FOXO3: variants seen among roughly 807,000 people sequenced by gnomAD.
FOXO3 encodes forkhead box protein O3.
FOXO3 carries 4 observed loss-of-function variants against 41.9 expected under a neutral mutation model. The observed-to-expected ratio is 0.10, with a 90% CI of 0.05 to 0.22. The LOEUF (loss-of-function observed/expected upper bound fraction) is 0.22, where lower values mean the gene tolerates loss of function less well. FOXO3 is among the 10% of genes least tolerant of loss of function. The pLI is 1.00. For missense variants in FOXO3, 534 were observed against 906.8 expected (o/e 0.59, Z 5.28); for synonymous variants, 318 against 389.3 (o/e 0.82, Z 2.16).
At chr6:108,647,869 GGAGA>G (rs1229213460) in intron 1 of FOXO3, among the ~76,000 whole-genome samples, 1 of 152,092 alleles carries the variant, frequency 6.6e-6, no homozygotes, top group African/African-American at 2.4e-5. Context: ...TTGGAAACTT[GGAGA>G]GAGTCTATAA....
intron 2 of FOXO3, among the ~76,000 whole-genome samples, chr6:108,674,431 A>G (rs1379472931): frequency 6.6e-6 from 1 of 152,224 alleles, no homozygotes; most frequent in African/African-American, 2.4e-5. Context: ...GATACCAGAC[A>G]GTGCTCTTAA....
Position 108,683,011 on chromosome 6 carries a change from G to C in FOXO3, c.*3219G>C, listed in dbSNP as rs1229022485. 3 of 152,658 alleles carry C rather than the reference G, an allele frequency of 2.0e-5. No individual in the cohort carries two copies. Among genetic ancestry groups the C allele is most frequent in the Non-Finnish European group, 4.4e-5 (3 of 68,034 alleles). The allele number at this position is 152,658 out of a possible 1,614,324, so 9.5% of individuals were successfully genotyped here. A position where few individuals can be genotyped will look rare whatever the true frequency, so the allele number is the denominator to read the frequency against. On this transcript the variant is annotated 3_prime_UTR_variant, in exon 3 of 3. Transcript: ENST00000406360. The stretch of plus-strand genomic sequence containing the variant: ...TTTATCACAAGCCTTCACTGTCCTG[G>C]CATGAGAACTGGCTGCCAGGCTCAG...
At chr6:108,649,182 G>A (rs934299562) in intron 1 of FOXO3, among the ~76,000 whole-genome samples, 36 of 152,052 alleles carry the variant, frequency 2.4e-4, no homozygotes, top group Non-Finnish European at 4.6e-4. Context: ...ATCCCACAGG[G>A]GTGACATAGA....
chr6:108,655,370 A>C (rs1215305326), intron 1 of FOXO3, among the ~76,000 whole-genome samples: 1 of 152,202 alleles, frequency 6.6e-6, no homozygotes, highest in Non-Finnish European at 1.5e-5. Flanking sequence ...TTATCTTCTC[A>C]ATGATGGAAA....
At position 108,665,085 on chromosome 6, in the gene FOXO3, C is replaced by T. The variant is rs570186353; in HGVS notation, c.*34+196C>T. ...CCAAATAGGGCTGTCAGGTGCCCCC[C>T]TTCCCCCGCACAGTTTGCTGATAGT... On this transcript the variant is annotated intron_variant, in intron 2 of 2. Transcript: ENST00000406360. Among the ~76,000 whole-genome samples, 4 of 152,304 alleles carry T rather than the reference C, an allele frequency of 2.6e-5. No individual in the cohort carries two copies. In the East Asian group the frequency reaches 7.7e-4, roughly 29 times the overall value.
In FOXO3 at chr6:108,681,230, G is replaced by C. The variant is rs1460826035; in HGVS notation, c.*1438G>C. On this transcript the variant is annotated 3_prime_UTR_variant, in exon 3 of 3. Coordinates refer to ENST00000406360, the MANE Select transcript of FOXO3 (RefSeq NM_001455.4). ...AATTGGTATAACGATGCTCTGATTA[G>C]CACAGTATATGCATACTTCTCCAAA... The C allele has an allele frequency of 6.6e-6, 1 of 152,650 alleles. No individual in the cohort carries two copies. The highest frequency in any genetic ancestry group is 1.5e-5 in the Non-Finnish European group (1 of 68,046). The allele number at this position is 152,650 out of a possible 1,614,324, so 9.5% of individuals were successfully genotyped here.
intron 1 of FOXO3, among the ~76,000 whole-genome samples, chr6:108,589,364 G>A (rs1464079348): frequency 6.6e-6 from 1 of 152,150 alleles, no homozygotes; most frequent in African/African-American, 2.4e-5. Flanking sequence ...GGGCTACACA[G>A]ACACAAGCAC....
chr6:108,644,097 T>C (rs983553264), intron 1 of FOXO3, among the ~76,000 whole-genome samples: 1 of 152,184 alleles, frequency 6.6e-6, no homozygotes, highest in African/African-American at 2.4e-5. Flanking sequence ...TGCCTGGCTA[T>C]AGGCTCCAGA....
At chr6:108,564,126 A>G (rs1008036278) in intron 1 of FOXO3, among the ~76,000 whole-genome samples, 9 of 152,250 alleles carry the variant, frequency 5.9e-5, no homozygotes, top group Admixed American at 1.3e-4. Flanking sequence ...GTCACATGAC[A>G]ACTAATCCTT....
intron 1 of FOXO3, among the ~76,000 whole-genome samples, chr6:108,651,585 G>A (rs1223507974): frequency 6.6e-6 from 1 of 152,178 alleles, no homozygotes; most frequent in African/African-American, 2.4e-5. Context: ...TATGTGTGAC[G>A]CTAAAGCCAG....
chr6:108,639,575 A>G (rs989270537), intron 1 of FOXO3: 19 of 985,252 alleles, frequency 1.9e-5, no homozygotes, highest in Non-Finnish European at 2.3e-5. Context: ...GCCCTTCAGA[A>G]AGGAGCAAGT....
chr6:108,585,796 A>T (rs548006910), intron 1 of FOXO3, among the ~76,000 whole-genome samples: 1 of 152,320 alleles, frequency 6.6e-6, no homozygotes, highest in East Asian at 1.9e-4. Context: ...GAAACTCTAA[A>T]CCACTTAAAA....
chr6:108,602,909 TTC>T (rs984718077), intron 1 of FOXO3, among the ~76,000 whole-genome samples: 3 of 152,142 alleles, frequency 2.0e-5, no homozygotes, highest in Admixed American at 6.5e-5. Context: ...GTTTTAGTGT[TTC>T]TGTCTGTGAC....
At chr6:108,607,892 C>A (rs1461033260) in intron 1 of FOXO3, among the ~76,000 whole-genome samples, 5 of 152,152 alleles carry the variant, frequency 3.3e-5, no homozygotes, top group African/African-American at 1.2e-4. Context: ...TAAAGGAGAT[C>A]CCATCCTAAT....
chr6:108,583,896 T>C (rs1251879419), intron 1 of FOXO3, among the ~76,000 whole-genome samples: 1 of 152,242 alleles, frequency 6.6e-6, no homozygotes, highest in African/African-American at 2.4e-5. Flanking sequence ...AGTATAATTC[T>C]CGTAGACAGA....
chr6:108,683,625 G>T lies in FOXO3; in HGVS notation c.*3833G>T, dbSNP rs1404614720. On this transcript the variant is annotated 3_prime_UTR_variant, in exon 3 of 3. Coordinates refer to ENST00000406360, the MANE Select transcript of FOXO3 (RefSeq NM_001455.4). ...CGCTTGAACCCAGGAGGCGGAGGTC[G>T]CAGTGAGCCGAGATCATGCCAGTGC... is the stretch of plus-strand genomic sequence containing the variant. 1.3e-5 allele frequency: 2 copies of T among 150,850 alleles called. No homozygotes were observed. Among genetic ancestry groups the T allele is most frequent in the South Asian group, 2.1e-4 (1 of 4,786 alleles). 9.3% of individuals were successfully genotyped at this position (150,850 alleles called of 1,614,324 possible). A position where few individuals can be genotyped will look rare whatever the true frequency, so the allele number is the denominator to read the frequency against.
chr6:108,561,858 G>A (rs767122602), intron 1 of FOXO3, 29 bp downstream of exon 1: 2 of 1,509,438 alleles, frequency 1.3e-6, no homozygotes, highest in Admixed American at 2.2e-5. Context: ...CTGGCAGCAG[G>A]ACCCGCCGGG....
intron 2 of FOXO3, among the ~76,000 whole-genome samples, chr6:108,677,645 C>T (rs1045336079): frequency 6.6e-6 from 1 of 152,156 alleles, no homozygotes; most frequent in Non-Finnish European, 1.5e-5. Flanking sequence ...TGGGAGTCCC[C>T]TGATGACTGA....
chr6:108,656,324 C>A, intron 1 of FOXO3: 1 of 982,136 alleles, frequency 1.0e-6, no homozygotes, highest in Non-Finnish European at 1.2e-6. Flanking sequence ...CCAGGGGAAG[C>A]ACATGCAGCT....
Sources: gnomAD v4.1 joint callset for allele counts (sites outside exome capture counted in the v4.1 genomes callset) on GRCh38, gnomAD v4.1.1 for gene constraint, MANE v1.5 for transcripts, NCBI Gene and HGNC (gene_info 2026-07-23, HGNC 2026-07-21) for gene names.